The following PRKN variants were observed in gnomAD, a reference collection of about 807,000 sequenced individuals.
PRKN encodes the protein parkin RBR E3 ubiquitin protein ligase, also known as E3 ubiquitin-protein ligase parkin.
Under a neutral mutation model 59.5 loss-of-function variants are expected in PRKN, and 56 were observed. The observed-to-expected ratio is 0.94, with a 90% confidence interval of 0.76 to 1.18. The LOEUF is 1.18. Among genes scored for constraint, PRKN ranks in the 50% most tolerant of loss-of-function variants. The pLI is 0.00. For synonymous variants in PRKN, 250 were observed against 222.1 expected, an observed-to-expected ratio of 1.13 and a Z score of -1.12; for missense variants, 657 against 596.4, an observed-to-expected ratio of 1.10 and a Z score of -1.06.
chr6:162,308,849 A>G (rs1342673457), intron 2 of PRKN, among the ~76,000 whole-genome samples: 1 of 152,142 alleles, frequency 6.6e-6, no homozygotes, highest in Non-Finnish European at 1.5e-5. Context: ...GTACATGAGA[A>G]AAACCGTGGG....
At chr6:162,419,051 A>AAGCAGGTGC (rs1788815611) in intron 2 of PRKN, among the ~76,000 whole-genome samples, 1 of 151,912 alleles carries the variant, frequency 6.6e-6, no homozygotes, top group African/African-American at 2.4e-5. Context: ...GGCTCCAGGA[A>AAGCAGGTGC]AAGCAGGTGC....
In PRKN at chr6:162,450,761, G is replaced by A. The variant is rs77406085; in HGVS notation, c.8-7288C>T. Among the ~76,000 whole-genome samples, 297 of 152,248 alleles carry A rather than the reference G, an allele frequency of 2.0e-3. 5 individuals are homozygous for A. In the South Asian group the frequency reaches 0.023, roughly 12 times the overall value. ...TCTTTAGAAACTGTTAGAGTCTAAG[G>A]GCCTAAGGAGATGAGTAAATGCAAT... On this transcript the variant is annotated intron_variant, in intron 1 of 11. Transcript: ENST00000366898.
At chr6:161,543,517 C>A (rs547771365) in intron 9 of PRKN, among the ~76,000 whole-genome samples, 41 of 152,266 alleles carry the variant, frequency 2.7e-4, no homozygotes, top group South Asian at 1.2e-3. Context: ...TGCCTCCGAG[C>A]GACACAGCAT....
intron 1 of PRKN, among the ~76,000 whole-genome samples, chr6:162,602,714 C>T (rs912143803): frequency 6.6e-6 from 1 of 152,190 alleles, no homozygotes; most frequent in African/African-American, 2.4e-5. Flanking sequence ...TCTTCTACAA[C>T]ATTTTCACAT....
intron 5 of PRKN, among the ~76,000 whole-genome samples, chr6:162,021,135 T>C (rs1391468655): frequency 5.5e-3 from 27 of 4,878 alleles, no homozygotes; most frequent in African/African-American, 0.041. Flanking sequence ...TATATATATA[T>C]ATATATATAT....
Position 161,470,960 on chromosome 6 carries a change from T to A in PRKN, c.1083+77894A>T, listed in dbSNP as rs892231283. 2.6e-5 allele frequency among the ~76,000 whole-genome samples: 4 copies of A among 152,162 alleles called. No individual in the cohort carries two copies. Among genetic ancestry groups the A allele is most frequent in the African/African-American group, 9.7e-5 (4 of 41,444 alleles). The stretch of plus-strand genomic sequence containing the variant: ...AGTTCTGGTAAAGAATTCTGAGGGG[T>A]CAGAGAATTCTAAGTTAGAATCTGG... On this transcript the variant is annotated intron_variant, in intron 9 of 11. Coordinates refer to ENST00000366898, the MANE Select transcript of PRKN (RefSeq NM_004562.3). The surrounding 1 kb of genome is among the most constrained non-coding windows in gnomAD (Gnocchi z 5.1).
At chr6:162,545,882 T>C (rs1779097696) in intron 1 of PRKN, among the ~76,000 whole-genome samples, 1 of 152,108 alleles carries the variant, frequency 6.6e-6, no homozygotes, top group Non-Finnish European at 1.5e-5. Context: ...AATATGGTGC[T>C]TCAAGACTGA....
intron 7 of PRKN, among the ~76,000 whole-genome samples, chr6:161,595,314 A>G (rs1781875051): frequency 6.6e-6 from 1 of 152,156 alleles, no homozygotes; most frequent in South Asian, 2.1e-4. Flanking sequence ...CTCCAAAGGA[A>G]CCCACAGTGT....
intron 2 of PRKN, among the ~76,000 whole-genome samples, chr6:162,295,175 G>A (rs1319530149): frequency 6.6e-6 from 1 of 152,190 alleles, no homozygotes; most frequent in East Asian, 1.9e-4. Flanking sequence ...ACATCAGGGA[G>A]CTCTTCCAAA....
Position 161,468,129 on chromosome 6 carries a change from C to A in PRKN, c.1083+80725G>T, listed in dbSNP as rs985236703. ...CTGGGATTATAGGCACGCACCACCACACCTAGCTAATTTTTGTATTTTTAG... is the reference window on the plus strand; with the variant it reads ...CTGGGATTATAGGCACGCACCACCAAACCTAGCTAATTTTTGTATTTTTAG... On this transcript the variant is annotated intron_variant, in intron 9 of 11. Transcript: ENST00000366898. The surrounding 1 kb of genome is among the most constrained non-coding windows in gnomAD (Gnocchi z 5.9). 1.1e-4 allele frequency among the ~76,000 whole-genome samples: 17 copies of A among 152,034 alleles called. No individual in the cohort carries two copies. The highest frequency in any genetic ancestry group is 3.9e-4 in the African/African-American group (16 of 41,388).
At chr6:161,599,957 A>G (rs1018297009) in intron 7 of PRKN, among the ~76,000 whole-genome samples, 3 of 152,212 alleles carry the variant, frequency 2.0e-5, no homozygotes, top group Admixed American at 1.3e-4. Context: ...GCGAGACCCA[A>G]TGGTGCAATT....
intron 5 of PRKN, among the ~76,000 whole-genome samples, chr6:162,040,241 T>C (rs552279631): frequency 2.6e-5 from 4 of 152,224 alleles, no homozygotes; most frequent in Admixed American, 2.0e-4. Flanking sequence ...TTTACAATGT[T>C]GTTTGGGGGC....
At chr6:162,611,176 A>G (rs1232224308) in intron 1 of PRKN, among the ~76,000 whole-genome samples, 1 of 152,240 alleles carries the variant, frequency 6.6e-6, no homozygotes, top group Non-Finnish European at 1.5e-5. Context: ...ATATAGAATT[A>G]ATAAAGAAAG....
chr6:161,921,221 G>C (rs1165306478), intron 6 of PRKN, among the ~76,000 whole-genome samples: 1 of 151,990 alleles, frequency 6.6e-6, no homozygotes, highest in Non-Finnish European at 1.5e-5. Context: ...ACAGGGTCAG[G>C]ATCATCCATA....
chr6:161,708,676 A>G (rs1424657754), intron 7 of PRKN, among the ~76,000 whole-genome samples: 1 of 152,222 alleles, frequency 6.6e-6, no homozygotes, highest in Non-Finnish European at 1.5e-5. Flanking sequence ...TTTATGCCCT[A>G]GATTATCTCA....
At chr6:162,442,445 A>G (rs977226809) in intron 2 of PRKN, among the ~76,000 whole-genome samples, 8 of 152,186 alleles carry the variant, frequency 5.3e-5, no homozygotes, top group African/African-American at 1.7e-4. Context: ...CACAAAGAAT[A>G]GCGTCAACAA....
chr6:162,429,253 C>CT (rs1222830001), intron 2 of PRKN, among the ~76,000 whole-genome samples: 1 of 152,128 alleles, frequency 6.6e-6, no homozygotes, highest in Admixed American at 6.5e-5. Context: ...CTGCCCTGTC[C>CT]TTTTAGCACG....
chr6:162,244,614 T>A (rs75830796), intron 3 of PRKN, among the ~76,000 whole-genome samples: 1,768 of 151,990 alleles, frequency 0.012, 20 homozygotes, highest in African/African-American at 0.031. Flanking sequence ...AAAGTAGACA[T>A]CTCTTTATTT....
intron 4 of PRKN, among the ~76,000 whole-genome samples, chr6:162,188,037 A>C (rs1784104177): frequency 6.6e-6 from 1 of 152,096 alleles, no homozygotes; most frequent in Non-Finnish European, 1.5e-5. Context: ...AATGAGTCTC[A>C]TGAGATCTGA....
Sources: gnomAD v4.1 joint callset for allele counts (sites outside exome capture counted in the v4.1 genomes callset) on GRCh38, gnomAD v4.1.1 for gene constraint, Gnocchi (gnomAD v3.1) non-coding constraint, MANE v1.5 for transcripts, NCBI Gene and HGNC (gene_info 2026-07-23, HGNC 2026-07-21) for gene names.